PPRC1: variants seen among roughly 807,000 people sequenced by gnomAD.
PPRC1 encodes the protein peroxisome proliferator-activated receptor gamma coactivator-related protein 1.
A neutral mutation model predicts 132.5 loss-of-function variants in PPRC1; 23 were observed. That is an observed-to-expected ratio of 0.17 (90% CI 0.12 to 0.25). PPRC1 has a LOEUF of 0.25. Among genes scored for constraint, PPRC1 ranks in the 10% least tolerant of loss-of-function variants. PPRC1 has a pLI of 1.00. For missense variants in PPRC1, 2,006 were observed against 2,089.1 expected (o/e 0.96, Z 0.78); for synonymous variants, 872 against 833.5 (o/e 1.05, Z -0.80).
upstream of PPRC1, among the ~76,000 whole-genome samples, chr10:102,130,995 G>T (rs937096673): frequency 6.6e-6 from 1 of 151,702 alleles, no homozygotes; most frequent in Non-Finnish European, 1.5e-5. Flanking sequence ...GATCGAGACC[G>T]TCCTGGCCAA....
In PPRC1 at chr10:102,146,716, C is replaced by T. The variant is rs1393928631; in HGVS notation, c.3724C>T (p.Leu1242=). ...CCCTCCCCACCAGTTATGGAAGCCC[C>T]TGGCTGCTGTCTCACTGCTGGCCAA... ...ATPPHQLWKP[L]AAVSLLAKAK... The change falls in exon 9 of 14, where the codon CTG becomes TTG. Residue 1242 remains leucine (L), a synonymous_variant. Transcript: ENST00000278070. 6.2e-7 allele frequency: 1 copy of T among 1,613,812 alleles called. No homozygotes were observed. The highest frequency in any genetic ancestry group is 8.5e-7 in the Non-Finnish European group (1 of 1,179,876).
chr10:102,127,039 A>G, the PPRC1 span, among the ~76,000 whole-genome samples: 114 of 54,636 alleles, frequency 2.1e-3, no homozygotes, highest in Non-Finnish European at 5.5e-3. Flanking sequence ...ATATATATAT[A>G]TATATATATA....
the PPRC1 span, among the ~76,000 whole-genome samples, chr10:102,126,771 T>C: frequency 2.0e-5 from 3 of 152,002 alleles, no homozygotes; most frequent in African/African-American, 4.8e-5. Flanking sequence ...AGCCGTGAAC[T>C]GTAACTTTTG....
chr10:102,133,739 G>T (rs753780494), intron 1 of PPRC1, among the ~76,000 whole-genome samples: 48 of 151,840 alleles, frequency 3.2e-4, no homozygotes, highest in Non-Finnish European at 5.7e-4. Context: ...CCAGGCTGTC[G>T]GGCATCTAGT....
chr10:102,148,631 C>T lies in PPRC1; in HGVS notation c.4554C>T (p.Tyr1518=). The change falls in exon 11 of 14, where the codon TAC becomes TAT. Residue 1518 remains tyrosine, a synonymous_variant. Transcript: ENST00000278070. This position sits in a 1 kb window ranked among gnomAD's most constrained non-coding sequence, Gnocchi z 4.2. ...TGATGACACCCTCTTTTGTCAGGTACAGCTCTTATCGTTCACATGACCATT... is the reference window on the plus strand; with the variant it reads ...TGATGACACCCTCTTTTGTCAGGTATAGCTCTTATCGTTCACATGACCATT... ...PRRRSDRRRR[Y]SSYRSHDHYQ... The T allele has an allele frequency of 1.2e-6, 2 of 1,614,156 alleles. No individual in the cohort carries two copies. Among genetic ancestry groups the T allele is most frequent in the Non-Finnish European group, 1.7e-6 (2 of 1,180,030 alleles).
At chr10:102,143,598 CAA>C (rs774584823) in intron 6 of PPRC1, among the ~76,000 whole-genome samples, 60 of 57,892 alleles carry the variant, frequency 1.0e-3, no homozygotes, top group Middle Eastern at 0.017. Context: ...GACTCTGTCT[CAA>C]AAAAAAAAAA....
Position 102,139,607 on chromosome 10 carries a change from C to G in PPRC1, c.1099C>G (p.Gln367Glu). 1 of 1,613,946 alleles carries G rather than the reference C, an allele frequency of 6.2e-7. No homozygotes were observed. Among genetic ancestry groups the G allele is most frequent in the Non-Finnish European group, 8.5e-7 (1 of 1,180,002 alleles). Reference sequence around the variant, plus strand: ...CCTGGAGATCCCAGTTGTGGTGCGACAGGTCTCTCCTGGACCCCGGCCTGT... The same window carrying G: ...CCTGGAGATCCCAGTTGTGGTGCGAGAGGTCTCTCCTGGACCCCGGCCTGT... Reference protein sequence around the residue: ...DDLEIPVVVRQVSPGPRPVLL... With the variant: ...DDLEIPVVVREVSPGPRPVLL... Residue 367 changes from glutamine (Q) to glutamate (E), a missense_variant, in exon 5 of 14, where the codon CAG becomes GAG. This residue lies in a region of PPRC1 where 1,914 missense variants were observed against 1,917.2 expected (regional missense o/e 1.00). Coordinates refer to ENST00000278070, the MANE Select transcript of PPRC1 (RefSeq NM_015062.5).
chr10:102,139,208 T>G lies in PPRC1; in HGVS notation c.700T>G (p.Trp234Gly). ...SWRPPRSRPRWGQSPPPQQRS... is the reference protein window; with the variant it reads ...SWRPPRSRPRGGQSPPPQQRS... Reference sequence around the variant, plus strand: ...GAGACCCCCAAGATCAAGACCACGCTGGGGCCAATCCCCACCTCCCCAGCA... The same window carrying G: ...GAGACCCCCAAGATCAAGACCACGCGGGGGCCAATCCCCACCTCCCCAGCA... The change falls in exon 5 of 14, where the codon TGG becomes GGG. Residue 234 changes from tryptophan (W) to glycine (G), a missense_variant. This residue lies in a region of PPRC1 where 1,914 missense variants were observed against 1,917.2 expected (regional missense o/e 1.00). Coordinates refer to ENST00000278070, the MANE Select transcript of PPRC1 (RefSeq NM_015062.5). 6.2e-7 allele frequency: 1 copy of G among 1,614,082 alleles called. No individual in the cohort carries two copies. Among genetic ancestry groups the G allele is most frequent in the South Asian group, 1.1e-5 (1 of 91,072 alleles).
Position 102,150,081 on chromosome 10 carries a change from C to G in PPRC1, c.*52C>G. ...TTCTCCTTTGGAGGTGCCCAACCTC[C>G]TCCACCCCCTTCCCCTACTCTAGGG... On this transcript the variant is annotated 3_prime_UTR_variant, in exon 14 of 14. Transcript: ENST00000278070. 1 of 1,355,180 alleles carries G rather than the reference C, an allele frequency of 7.4e-7. No individual in the cohort carries two copies. Among genetic ancestry groups the G allele is most frequent in the Non-Finnish European group, 1.1e-6 (1 of 944,812 alleles). 83.9% of individuals were successfully genotyped at this position (1,355,180 alleles called of 1,614,324 possible).
Position 102,133,098 on chromosome 10 carries a change from A to G in PPRC1, c.30A>G (p.Gly10=). MAARRGRRD[G]VAPPPSGGPG... is the part of the protein sequence containing the mutation. The stretch of plus-strand genomic sequence containing the variant: ...CGGCGCGCCGGGGACGGAGAGACGG[A>G]GTCGCGCCGCCCCCGAGTGGGGGCC... Residue 10 remains glycine (G), a synonymous_variant, in exon 1 of 14, where the codon GGA becomes GGG. Coordinates refer to ENST00000278070, the MANE Select transcript of PPRC1 (RefSeq NM_015062.5). The G allele has an allele frequency of 8.0e-7, 1 of 1,243,998 alleles. No individual in the cohort carries two copies. The highest frequency in any genetic ancestry group is 1.0e-6 in the Non-Finnish European group (1 of 988,224). 77.1% of individuals were successfully genotyped at this position (1,243,998 alleles called of 1,614,324 possible).
At position 102,138,074 on chromosome 10, in the gene PPRC1, G is replaced by T. The variant is rs187621684; in HGVS notation, c.342+36G>T. Reference sequence around the variant, plus strand: ...GCTGGACTCTGAAATCTTCAAGCAGGAGGTTTACATGGGAGGTTCTAGCTC... The same window carrying T: ...GCTGGACTCTGAAATCTTCAAGCAGTAGGTTTACATGGGAGGTTCTAGCTC... On this transcript the variant is annotated intron_variant, in intron 2 of 13. Coordinates refer to ENST00000278070, the MANE Select transcript of PPRC1 (RefSeq NM_015062.5). 34 of 1,596,956 alleles carry T rather than the reference G, an allele frequency of 2.1e-5. No homozygotes were observed. The East Asian group carries it at 6.7e-4, about 32-fold the overall frequency.
chr10:102,138,190 T>A, intron 2 of PPRC1, 152 bp downstream of exon 2: 1 of 822,894 alleles, frequency 1.2e-6, no homozygotes, highest in Non-Finnish European at 1.9e-6. Context: ...TGTCTCTAAG[T>A]GGGAATTAGG....
In PPRC1 at chr10:102,139,919, T is replaced by C. The variant is rs141549106; in HGVS notation, c.1411T>C (p.Cys471Arg). The change falls in exon 5 of 14, where the codon TGT becomes CGT. Residue 471 changes from cysteine to arginine, a missense_variant. By Grantham distance (180) the Cys-to-Arg change is radical. Transcript: ENST00000278070. Reference sequence around the variant, plus strand: ...GAAGAGCAAGGAGCAGCCAGCAGCCTGTGTGGAAGGCTATGCCAGGAGGCT... The same window carrying C: ...GAAGAGCAAGGAGCAGCCAGCAGCCCGTGTGGAAGGCTATGCCAGGAGGCT... ...KKKSKEQPAA[C>R]VEGYARRLRS... 5 of 1,614,096 alleles carry C rather than the reference T, an allele frequency of 3.1e-6. No homozygotes were observed. Among genetic ancestry groups the C allele is most frequent in the East Asian group, 2.2e-5 (1 of 44,894 alleles).
At chr10:102,136,526 A>G (rs113223687) in intron 1 of PPRC1, among the ~76,000 whole-genome samples, 2 of 152,152 alleles carry the variant, frequency 1.3e-5, no homozygotes, top group African/African-American at 4.8e-5. Context: ...CTAAAAATAC[A>G]TGAGTACAGT....
At chr10:102,125,501 G>A in the PPRC1 span, among the ~76,000 whole-genome samples, 7 of 151,220 alleles carry the variant, frequency 4.6e-5, no homozygotes, top group Non-Finnish European at 7.4e-5. Context: ...CTCATGATCC[G>A]CCTGCCTCAG....
At chr10:102,145,225 G>T in intron 8 of PPRC1, 135 bp downstream of exon 8, 1 of 824,576 alleles carries the variant, frequency 1.2e-6, no homozygotes, top group East Asian at 2.8e-5. Context: ...TCACAGTCTA[G>T]GGGGCAGACT....
At chr10:102,132,435 G>A (rs894527676), upstream of PPRC1, among the ~76,000 whole-genome samples, 2 of 152,214 alleles carry the variant, frequency 1.3e-5, no homozygotes, top group East Asian at 3.8e-4. Flanking sequence ...TCGACATATA[G>A]GCAGGAGAAC....
chr10:102,132,020 G>T (rs1381670516), upstream of PPRC1, among the ~76,000 whole-genome samples: 5 of 152,026 alleles, frequency 3.3e-5, no homozygotes, highest in Admixed American at 2.0e-4. Flanking sequence ...GGTGCTAAAG[G>T]CTCAGTAAAT....
chr10:102,150,101 C>G lies in PPRC1; in HGVS notation c.*72C>G, dbSNP rs2069445612. 105 of 1,084,824 alleles carry G rather than the reference C, an allele frequency of 9.7e-5. No individual in the cohort carries two copies. Among genetic ancestry groups the G allele is most frequent in the Non-Finnish European group, 1.4e-4 (97 of 707,402 alleles). 67.2% of individuals were successfully genotyped at this position (1,084,824 alleles called of 1,614,324 possible). ...ACCTCCTCCACCCCCTTCCCCTACT[C>G]TAGGGGAGAGAGCTGCTAGTGAGAT... is the stretch of plus-strand genomic sequence containing the variant. On this transcript the variant is annotated 3_prime_UTR_variant, in exon 14 of 14. Coordinates refer to ENST00000278070, the MANE Select transcript of PPRC1 (RefSeq NM_015062.5).
Sources: allele counts gnomAD v4.1 joint callset (sites outside exome capture counted in the v4.1 genomes callset), GRCh38; gene constraint gnomAD v4.1.1; regional missense constraint gnomAD v4.1.1; non-coding constraint Gnocchi (gnomAD v3.1); transcripts MANE v1.5; gene names NCBI Gene and HGNC (gene_info 2026-07-23, HGNC 2026-07-21).